CPLANE1: variants seen among roughly 807,000 people sequenced by gnomAD.
CPLANE1 encodes ciliogenesis and planar polarity effector 1.
CPLANE1 carries 263 observed loss-of-function variants against 362.5 expected under a neutral mutation model. The ratio of observed to expected loss-of-function variants is 0.73; its 90% CI spans 0.66 to 0.80. The LOEUF (loss-of-function observed/expected upper bound fraction) is 0.80. Among genes scored for constraint, CPLANE1 ranks in the 30% least tolerant of loss-of-function variants. The pLI, the probability that CPLANE1 is intolerant of heterozygous loss-of-function variation, is 0.00. For synonymous variants in CPLANE1, 1,212 were observed against 1,302.6 expected, an observed-to-expected ratio of 0.93 and a Z score of 1.50; for missense variants, 3,461 against 3,793.4, an observed-to-expected ratio of 0.91 and a Z score of 2.30.
the CPLANE1 span, among the ~76,000 whole-genome samples, chr5:37,077,005 T>C: frequency 2.0e-5 from 3 of 151,834 alleles, no homozygotes; most frequent in Non-Finnish European, 4.4e-5. Flanking sequence ...GTAAGGTCTA[T>C]GTTGCAACTT....
chr5:37,163,865 T>G (rs1777537949), intron 37 of CPLANE1, among the ~76,000 whole-genome samples: 1 of 152,164 alleles, frequency 6.6e-6, no homozygotes, highest in South Asian at 2.1e-4. Context: ...GGCTGGAGAT[T>G]GAGCTCAATC....
intron 51 of CPLANE1, among the ~76,000 whole-genome samples, chr5:37,114,344 T>C (rs1410685623): frequency 6.6e-6 from 1 of 152,236 alleles, no homozygotes; most frequent in Non-Finnish European, 1.5e-5. Context: ...TCTGTTCTCA[T>C]AGTAAGACAT....
intron 42 of CPLANE1, among the ~76,000 whole-genome samples, chr5:37,150,668 A>G (rs1173512373): frequency 6.6e-6 from 1 of 152,108 alleles, no homozygotes; most frequent in East Asian, 1.9e-4. Context: ...AGTCCTGTTA[A>G]TGCCTTCCCT....
intron 38 of CPLANE1, among the ~76,000 whole-genome samples, chr5:37,159,450 T>C (rs1776257012): frequency 6.6e-6 from 1 of 152,210 alleles, no homozygotes. Context: ...CAGTGGTGTA[T>C]AGTATATTCA....
chr5:37,138,530 TA>T (rs1768553523), intron 46 of CPLANE1, 189 bp downstream of exon 46: 1 of 722,930 alleles, frequency 1.4e-6, no homozygotes. Flanking sequence ...ACCCACAGGA[TA>T]CAGTTATATA....
chr5:37,119,010 C>A (rs938301297), intron 50 of CPLANE1, among the ~76,000 whole-genome samples: 15 of 152,050 alleles, frequency 9.9e-5, no homozygotes, highest in Non-Finnish European at 1.9e-4. Context: ...CCGCGCCGGG[C>A]CTATTTTACA....
chr5:37,198,974 G>A, intron 19 of CPLANE1, 108 bp from the exon 20 acceptor site: 1 of 1,011,196 alleles, frequency 9.9e-7, no homozygotes, highest in Non-Finnish European at 1.4e-6. Flanking sequence ...GCTCACGCCT[G>A]TAATCCCAGC....
chr5:37,211,808 C>G (rs1243675936), intron 16 of CPLANE1: 8 of 802,072 alleles, frequency 1.0e-5, no homozygotes, highest in Non-Finnish European at 1.8e-5. Flanking sequence ...CAGATGCGGA[C>G]AAGCTAGCTT....
intron 32 of CPLANE1, among the ~76,000 whole-genome samples, chr5:37,171,472 A>G (rs1779765809): frequency 2.0e-5 from 3 of 152,192 alleles, no homozygotes; most frequent in Admixed American, 6.5e-5. Flanking sequence ...TCATACTTTG[A>G]GAACCACTAG....
chr5:37,090,067 T>A, the CPLANE1 span, among the ~76,000 whole-genome samples: 4 of 152,116 alleles, frequency 2.6e-5, no homozygotes, highest in Non-Finnish European at 4.4e-5. Flanking sequence ...ATATCTTGGG[T>A]ACGTATTAAC....
Position 37,247,732 on chromosome 5 carries a change from A to G in CPLANE1, c.-34T>C, listed in dbSNP as rs749936322. 2.0e-6 allele frequency: 3 copies of G among 1,521,818 alleles called. No homozygotes were observed. The South Asian group carries it at 3.7e-5, about 19-fold the overall frequency. The allele number at this position is 1,521,818 out of a possible 1,614,324, so 94.3% of individuals were successfully genotyped here. Reference sequence around the variant, plus strand: ...AGCTATCAATGACCAATTAAGTAAAACAGTCCCAAGATTCTGTAAACAATA... The same window carrying G: ...AGCTATCAATGACCAATTAAGTAAAGCAGTCCCAAGATTCTGTAAACAATA... On this transcript the variant is annotated 5_prime_UTR_variant, in exon 2 of 53. Coordinates refer to ENST00000651892, the MANE Select transcript of CPLANE1 (RefSeq NM_001384732.1).
At position 37,176,330 on chromosome 5, in the gene CPLANE1, T is replaced by C. The variant is rs148105831; in HGVS notation, c.5901-344A>G. 1.3e-3 allele frequency among the ~76,000 whole-genome samples: 199 copies of C among 152,180 alleles called. 2 individuals are homozygous for C. Among genetic ancestry groups the C allele is most frequent in the African/African-American group, 4.6e-3 (191 of 41,520 alleles). On this transcript the variant is annotated intron_variant, in intron 30 of 52. Coordinates refer to ENST00000651892, the MANE Select transcript of CPLANE1 (RefSeq NM_001384732.1). ...ACTATGCTCAGAACCCTAGAGCCCA[T>C]TGTCACATTTGAAACTGTAAAGAGG...
chr5:37,203,706 C>G (rs1172348966), intron 18 of CPLANE1, among the ~76,000 whole-genome samples: 3 of 152,116 alleles, frequency 2.0e-5, no homozygotes, highest in Non-Finnish European at 4.4e-5. Flanking sequence ...TCTGTAGAGA[C>G]AGGGTTTTGT....
At chr5:37,097,570 T>G in the CPLANE1 span, among the ~76,000 whole-genome samples, 1 of 152,192 alleles carries the variant, frequency 6.6e-6, no homozygotes, top group African/African-American at 2.4e-5. Context: ...TGTCACATTA[T>G]AGTCAAACTG....
At position 37,147,443 on chromosome 5, in the gene CPLANE1, T is replaced by C. The variant is rs183280912; in HGVS notation, c.8461+738A>G. Among the ~76,000 whole-genome samples the C allele has an allele frequency of 2.7e-4, 41 of 152,326 alleles. No homozygotes were observed. In the East Asian group the frequency reaches 7.9e-3, roughly 29 times the overall value. ...ATGCGAACTACAAACTATGTAGACC[T>C]GAACACCACCAGATGATGATGAGTA... is the stretch of plus-strand genomic sequence containing the variant. On this transcript the variant is annotated intron_variant, in intron 43 of 52. Coordinates refer to ENST00000651892, the MANE Select transcript of CPLANE1 (RefSeq NM_001384732.1).
Position 37,227,646 on chromosome 5 carries a change from T to C in CPLANE1, c.1293A>G (p.Pro431=), listed in dbSNP as rs1413778873. Reference sequence around the variant, plus strand: ...GTAGAAGTGATCTCATGTGTACTGATGGAGATAGGCTATCAAGAAATCGAA... The same window carrying C: ...GTAGAAGTGATCTCATGTGTACTGACGGAGATAGGCTATCAAGAAATCGAA... ...TTLRFLDSLS[P]SVHMRSLLLD... The change falls in exon 10 of 53, where the codon CCA becomes CCG. Residue 431 remains proline, a synonymous_variant. Coordinates refer to ENST00000651892, the MANE Select transcript of CPLANE1 (RefSeq NM_001384732.1). The C allele has an allele frequency of 2.6e-6, 4 of 1,551,366 alleles. No individual in the cohort carries two copies. Among genetic ancestry groups the C allele is most frequent in the East Asian group, 2.4e-5 (1 of 40,878 alleles).
At chr5:37,212,959 T>C (rs965734889) in intron 16 of CPLANE1, among the ~76,000 whole-genome samples, 1 of 152,186 alleles carries the variant, frequency 6.6e-6, no homozygotes, top group Non-Finnish European at 1.5e-5. Flanking sequence ...ACGCCTATAA[T>C]CCCAGCAGGG....
intron 42 of CPLANE1, among the ~76,000 whole-genome samples, chr5:37,150,783 G>C (rs1422341461): frequency 1.3e-5 from 2 of 152,180 alleles, no homozygotes; most frequent in African/African-American, 4.8e-5. Flanking sequence ...AGCAGCATAA[G>C]AATCATTTGT....
rs1046843624 is a variant in CPLANE1 at position 37,230,873 on chromosome 5, G to A, written c.1115C>T (p.Thr372Met). 24 of 1,527,354 alleles carry A rather than the reference G, an allele frequency of 1.6e-5. No individual in the cohort carries two copies. The Middle Eastern group carries it at 6.7e-4, about 43-fold the overall frequency. The allele number at this position is 1,527,354 out of a possible 1,614,324, so 94.6% of individuals were successfully genotyped here. A position where few individuals can be genotyped will look rare whatever the true frequency, so the allele number is the denominator to read the frequency against. Residue 372 changes from threonine to methionine, a missense_variant, in exon 9 of 53, where the codon ACG becomes ATG. By Grantham distance (81) the Thr-to-Met change is moderately conservative. Around this residue, in one of 2 missense-constraint regions of CPLANE1, gnomAD observed 3,380 missense variants for 3,666.1 expected, o/e 0.92. Coordinates refer to ENST00000651892, the MANE Select transcript of CPLANE1 (RefSeq NM_001384732.1). ...CACAATTCAAATGTCTCACCTATAC[G>A]TTATTAGTGGATGAAGAGGAATAAA... is the stretch of plus-strand genomic sequence containing the variant. ...AEFIPLHPLI[T>M]YRPQQFTFQD...
Sources: allele counts gnomAD v4.1 joint callset (sites outside exome capture counted in the v4.1 genomes callset), GRCh38; gene constraint gnomAD v4.1.1; regional missense constraint gnomAD v4.1.1; transcripts MANE v1.5; gene names NCBI Gene and HGNC (gene_info 2026-07-23, HGNC 2026-07-21).